Variants in CARF observed in about 807,000 individuals in gnomAD.
The protein encoded by CARF is calcium-responsive transcription factor.
A neutral mutation model predicts 82.0 loss-of-function variants in CARF; 57 were observed. That is an observed-to-expected ratio of 0.70 (90% CI 0.56 to 0.87). The LOEUF (loss-of-function observed/expected upper bound fraction) is 0.87, where lower values mean the gene tolerates loss of function less well. Ranked by LOEUF, CARF falls within the 40% of genes least tolerant of loss-of-function variation. The pLI, the probability that CARF is intolerant of heterozygous loss-of-function variation, is 0.00. For missense variants in CARF, 771 were observed against 855.8 expected, an observed-to-expected ratio of 0.90 and a Z score of 1.24; for synonymous variants, 268 against 290.1, an observed-to-expected ratio of 0.92 and a Z score of 0.77.
At chr2:202,942,094 C>A in intron 4 of CARF, 114 bp downstream of exon 4, 1 of 820,546 alleles carries the variant, frequency 1.2e-6, no homozygotes, top group Non-Finnish European at 2.0e-6. Flanking sequence ...GAATTTTGAG[C>A]TGGGCGTGGT....
intron 3 of CARF, among the ~76,000 whole-genome samples, chr2:202,937,437 A>G (rs546678987): frequency 6.6e-5 from 10 of 151,644 alleles, no homozygotes; most frequent in Non-Finnish European, 1.5e-4. Flanking sequence ...TTTTTCTGCT[A>G]TAATATTTGT....
intron 12 of CARF, among the ~76,000 whole-genome samples, chr2:202,974,056 C>G (rs1235689319): frequency 6.6e-6 from 1 of 152,138 alleles, no homozygotes; most frequent in Non-Finnish European, 1.5e-5. Context: ...CCACTGCACT[C>G]CAGCCTGGGC....
At chr2:202,960,813 CT>C (rs1268469155) in intron 8 of CARF, among the ~76,000 whole-genome samples, 1 of 151,410 alleles carries the variant, frequency 6.6e-6, no homozygotes, top group East Asian at 1.9e-4. Context: ...CTCCTCTTTC[CT>C]TTCTCCTTCC....
chr2:202,975,605 AAAC>A (rs927008307), intron 13 of CARF, among the ~76,000 whole-genome samples: 1 of 151,674 alleles, frequency 6.6e-6, no homozygotes, highest in African/African-American at 2.4e-5. Flanking sequence ...TTCATCTGAA[AAAC>A]AACAACAAAA....
Position 202,912,498 on chromosome 2 carries a change from C to T in CARF, c.-934C>T, listed in dbSNP as rs1688784267. ...CCCCGTCTTCCTCCTGCCTCCTCCT[C>T]CTCCCGTCACCTCCTGACCCGCCGG... On this transcript the variant is annotated 5_prime_UTR_variant, in exon 1 of 17. Coordinates refer to ENST00000438828, the MANE Select transcript of CARF (RefSeq NM_024744.17). The T allele has an allele frequency of 6.8e-6, 1 of 147,788 alleles. No homozygotes were observed. Among genetic ancestry groups the T allele is most frequent in the Non-Finnish European group, 1.5e-5 (1 of 66,530 alleles). The allele number at this position is 147,788 out of a possible 1,614,324, so 9.2% of individuals were successfully genotyped here.
chr2:202,969,575 CAAAA>C (rs1559265004), intron 10 of CARF, among the ~76,000 whole-genome samples: 2 of 106,218 alleles, frequency 1.9e-5, no homozygotes, highest in African/African-American at 7.4e-5. Context: ...AACTCCATCT[CAAAA>C]AATAAATAAA....
At chr2:202,963,943 G>T (rs552678050) in intron 9 of CARF, among the ~76,000 whole-genome samples, 1 of 152,124 alleles carries the variant, frequency 6.6e-6, no homozygotes, top group Non-Finnish European at 1.5e-5. Context: ...GTGCGGCCTG[G>T]TTCCTATCAG....
chr2:202,931,837 TA>T (rs1475236710), intron 3 of CARF, among the ~76,000 whole-genome samples: 7 of 152,342 alleles, frequency 4.6e-5, no homozygotes, highest in Non-Finnish European at 1.0e-4. Flanking sequence ...CAGGTCTGAA[TA>T]GACTACAAGT....
chr2:202,929,390 T>G (rs1195747897), intron 3 of CARF, among the ~76,000 whole-genome samples: 1 of 152,160 alleles, frequency 6.6e-6, no homozygotes, highest in Non-Finnish European at 1.5e-5. Context: ...CTACTTTCAT[T>G]TTACTGCATA....
chr2:202,971,713 G>C lies in CARF; in HGVS notation c.1306G>C (p.Val436Leu). The change falls in exon 12 of 17, where the codon GTG (valine) becomes CTG (leucine). Residue 436 changes from valine (V) to leucine (L), a missense_variant. Transcript: ENST00000438828. ...QELVSQGIEQ[V>L]YAVRKQLRKF... ...ATTAGTATCACAGGGAATAGAACAAGTGTATGCAGTAAGGAAACAGCTAAG... is the reference window on the plus strand; with the variant it reads ...ATTAGTATCACAGGGAATAGAACAACTGTATGCAGTAAGGAAACAGCTAAG... 1 of 1,612,752 alleles carries C rather than the reference G, an allele frequency of 6.2e-7. No homozygotes were observed. The highest frequency in any genetic ancestry group is 8.5e-7 in the Non-Finnish European group (1 of 1,178,984).
At chr2:202,958,903 CAAAAAA>C (rs36028794) in intron 8 of CARF, among the ~76,000 whole-genome samples, 2 of 88,980 alleles carry the variant, frequency 2.2e-5, no homozygotes, top group East Asian at 3.0e-4. Flanking sequence ...GACTCCGTCT[CAAAAAA>C]AAAAAAAAAA....
chr2:202,959,521 A>T (rs1256352060), intron 8 of CARF, among the ~76,000 whole-genome samples: 1 of 152,202 alleles, frequency 6.6e-6, no homozygotes, highest in Non-Finnish European at 1.5e-5. Context: ...TGGTATTGAA[A>T]AAAAAGTTTC....
intron 14 of CARF, 52 bp downstream of exon 14, chr2:202,977,384 G>A (rs1332854626): frequency 7.4e-7 from 1 of 1,357,856 alleles, no homozygotes; most frequent in Admixed American, 1.8e-5. Flanking sequence ...TGTTTAACTG[G>A]AAGGAACTTA....
At chr2:202,933,862 CTTTCT>C (rs140863725) in intron 3 of CARF, among the ~76,000 whole-genome samples, 13 of 146,932 alleles carry the variant, frequency 8.8e-5, no homozygotes, top group East Asian at 2.0e-4. Flanking sequence ...CTTTTCTTTC[CTTTCT>C]TTTCTTTTCT....
In CARF at chr2:202,967,035, T is replaced by TA. The variant is rs751635415; in HGVS notation, c.897dup (p.Val300SerfsTer3). The TA allele has an allele frequency of 1.9e-6, 3 of 1,614,022 alleles. No individual in the cohort carries two copies. The highest frequency in any genetic ancestry group is 2.2e-5 in the South Asian group (2 of 91,078). On this transcript the variant is annotated frameshift_variant, in exon 10 of 17. Coordinates refer to ENST00000438828, the MANE Select transcript of CARF (RefSeq NM_024744.17). LOFTEE classifies it high-confidence loss of function. ...GGGCCAAGAAGAAAAGGTTTCCAGTTAAAAAAAGTCAGTGAGCAGGAAAGC... is the reference window on the plus strand; with the variant it reads ...GGGCCAAGAAGAAAAGGTTTCCAGTTAAAAAAAAGTCAGTGAGCAGGAAAGC...
intron 11 of CARF, 55 bp downstream of exon 11, chr2:202,970,117 G>A: frequency 7.0e-7 from 1 of 1,419,488 alleles, no homozygotes; most frequent in Non-Finnish European, 9.5e-7. Flanking sequence ...CAATTTGCAA[G>A]AATTATTTTG....
At chr2:202,968,714 T>C (rs2059654477) in intron 10 of CARF, among the ~76,000 whole-genome samples, 1 of 152,120 alleles carries the variant, frequency 6.6e-6, no homozygotes, top group Admixed American at 6.6e-5. Context: ...AGAAACTACA[T>C]TGGGTGCCAT....
chr2:202,960,616 A>C (rs923878030), intron 8 of CARF, among the ~76,000 whole-genome samples: 1 of 152,144 alleles, frequency 6.6e-6, no homozygotes, highest in East Asian at 1.9e-4. Context: ...CCTTTTTATC[A>C]ATCACTCACA....
intron 1 of CARF, among the ~76,000 whole-genome samples, chr2:202,913,503 A>G (rs1162498362): frequency 1.3e-5 from 2 of 152,194 alleles, no homozygotes. Context: ...GCGTGAATAG[A>G]TAAGGGAGAA....
Sources: allele counts gnomAD v4.1 joint callset (sites outside exome capture counted in the v4.1 genomes callset), GRCh38; gene constraint gnomAD v4.1.1; transcripts MANE v1.5; gene names NCBI Gene and HGNC (gene_info 2026-07-23, HGNC 2026-07-21).